Variants in FHIP1A observed in about 807,000 individuals in gnomAD.
FHIP1A encodes FHF complex subunit HOOK-interacting protein 1A.
FHIP1A carries 61 observed loss-of-function variants against 88.6 expected under a neutral mutation model. The observed-to-expected ratio is 0.69, with a 90% CI of 0.56 to 0.85. The LOEUF (loss-of-function observed/expected upper bound fraction) is 0.85. FHIP1A is among the 40% of genes least tolerant of loss of function. FHIP1A has a pLI of 0.00. For missense variants in FHIP1A, 1,154 were observed against 1,273.5 expected, an observed-to-expected ratio of 0.91 and a Z score of 1.43; for synonymous variants, 478 against 496.0, an observed-to-expected ratio of 0.96 and a Z score of 0.48.
intron 10 of FHIP1A, 115 bp downstream of exon 10, chr4:151,646,863 T>G: frequency 1.5e-6 from 1 of 676,732 alleles, no homozygotes; most frequent in Middle Eastern, 3.6e-4. Flanking sequence ...ATTTCTCTTA[T>G]GAATGACTAG....
intron 9 of FHIP1A, among the ~76,000 whole-genome samples, chr4:151,640,635 C>T (rs2082425820): frequency 6.6e-6 from 1 of 152,172 alleles, no homozygotes; most frequent in South Asian, 2.1e-4. Context: ...ATGTTAAATT[C>T]TTAAATACTG....
chr4:151,496,162 T>G (rs1292495963), intron 3 of FHIP1A, among the ~76,000 whole-genome samples: 3 of 151,620 alleles, frequency 2.0e-5, no homozygotes, highest in African/African-American at 7.3e-5. Flanking sequence ...TGTTTAGAGA[T>G]ATTTCCTCCT....
chr4:151,568,347 T>C (rs1226652047), intron 4 of FHIP1A, among the ~76,000 whole-genome samples: 1 of 152,234 alleles, frequency 6.6e-6, no homozygotes, highest in African/African-American at 2.4e-5. Context: ...GAGACACTCA[T>C]GGTCTTACTG....
intron 9 of FHIP1A, among the ~76,000 whole-genome samples, chr4:151,644,714 A>G (rs1313427134): frequency 6.6e-6 from 1 of 152,148 alleles, no homozygotes. Context: ...CCACAGCAGC[A>G]TCAGCCATGG....
intron 5 of FHIP1A, among the ~76,000 whole-genome samples, chr4:151,585,594 C>T (rs1734181012): frequency 6.6e-6 from 1 of 152,178 alleles, no homozygotes; most frequent in Non-Finnish European, 1.5e-5. Flanking sequence ...GCTGGGAGGC[C>T]TCCAGTACTA....
rs531534104 is a variant in FHIP1A, at chr4:151,553,254, A to T, written c.-122-12884A>T. ...ATAATATCACATGGTTTTATATTTC[A>T]TAAACAATTACAAGAAAAGTACATA... On this transcript the variant is annotated intron_variant, in intron 3 of 13. Transcript: ENST00000435205. Among the ~76,000 whole-genome samples the T allele has an allele frequency of 5.3e-5, 8 of 152,352 alleles. No individual in the cohort carries two copies. The East Asian group carries it at 5.8e-4, about 11-fold the overall frequency.
chr4:151,540,570 TC>T (rs1732246672), intron 3 of FHIP1A, among the ~76,000 whole-genome samples: 1 of 152,170 alleles, frequency 6.6e-6, no homozygotes, highest in South Asian at 2.1e-4. Context: ...ATTTTTAAGC[TC>T]AAAGGTGTTC....
intron 1 of FHIP1A, among the ~76,000 whole-genome samples, chr4:151,453,314 C>A (rs1013931121): frequency 6.6e-6 from 1 of 152,116 alleles, no homozygotes; most frequent in African/African-American, 2.4e-5. Flanking sequence ...CTGCACCTGG[C>A]CCATAGTTTT....
At chr4:151,553,858 G>A (rs1411957025) in intron 3 of FHIP1A, among the ~76,000 whole-genome samples, 3 of 152,130 alleles carry the variant, frequency 2.0e-5, no homozygotes, top group African/African-American at 7.2e-5. Flanking sequence ...CAAATGTAGA[G>A]GTTTCATTAG....
chr4:151,629,982 T>C lies in FHIP1A; in HGVS notation c.1146+113T>C, dbSNP rs923733476. ...CTTTTGCTCTCCTTTTTTTTTCTTT[T>C]TCTTTTTTGGTTGTTGTTGTTTTGT... is the stretch of plus-strand genomic sequence containing the variant. On this transcript the variant is annotated intron_variant, in intron 8 of 13. Coordinates refer to ENST00000435205, the MANE Select transcript of FHIP1A (RefSeq NM_001109977.3). The C allele has an allele frequency of 1.7e-5, 16 of 935,848 alleles. No homozygotes were observed. The African/African-American group carries it at 2.5e-4, about 15-fold the overall frequency. 58.0% of individuals were successfully genotyped at this position (935,848 alleles called of 1,614,324 possible).
At chr4:151,529,048 T>A (rs938086457) in intron 3 of FHIP1A, among the ~76,000 whole-genome samples, 1 of 152,172 alleles carries the variant, frequency 6.6e-6, no homozygotes, top group Non-Finnish European at 1.5e-5. Flanking sequence ...ATGTCATTTC[T>A]CCCTCCCGGT....
At position 151,536,090 on chromosome 4, in the gene FHIP1A, C is replaced by A. The variant is rs145532224; in HGVS notation, c.-122-30048C>A. 2.0e-5 allele frequency among the ~76,000 whole-genome samples: 3 copies of A among 152,280 alleles called. No individual in the cohort carries two copies. The East Asian group carries it at 5.8e-4, about 29-fold the overall frequency. On this transcript the variant is annotated intron_variant, in intron 3 of 13. Transcript: ENST00000435205. ...TGAAAGAATGCACTGTCTGAGTTCA[C>A]ACTTGAGAACATGAACTTTTTTTTC...
At chr4:151,603,300 G>A (rs1734943528) in intron 7 of FHIP1A, among the ~76,000 whole-genome samples, 1 of 151,090 alleles carries the variant, frequency 6.6e-6, no homozygotes, top group African/African-American at 2.4e-5. Flanking sequence ...GCAACAGAGC[G>A]AGACTCCGTC....
At chr4:151,589,262 A>G (rs972313895) in intron 7 of FHIP1A, among the ~76,000 whole-genome samples, 4 of 152,220 alleles carry the variant, frequency 2.6e-5, no homozygotes, top group African/African-American at 7.2e-5. Context: ...AGTCTGTCAT[A>G]GAGAATGCAA....
At chr4:151,600,198 G>A (rs1262522518) in intron 7 of FHIP1A, among the ~76,000 whole-genome samples, 1 of 152,330 alleles carries the variant, frequency 6.6e-6, no homozygotes, top group East Asian at 1.9e-4. Flanking sequence ...TGATATCACT[G>A]GTCTCAAGGT....
At chr4:151,615,018 C>G (rs1332930037) in intron 7 of FHIP1A, among the ~76,000 whole-genome samples, 1 of 152,132 alleles carries the variant, frequency 6.6e-6, no homozygotes, top group Non-Finnish European at 1.5e-5. Context: ...CCTGATCTGT[C>G]ACTGGGAACA....
At chr4:151,412,386 G>A (rs547271587) in intron 1 of FHIP1A, among the ~76,000 whole-genome samples, 22 of 152,192 alleles carry the variant, frequency 1.4e-4, no homozygotes, top group Admixed American at 5.9e-4. Context: ...GATTACAGGC[G>A]TGAGCCACTG....
intron 9 of FHIP1A, among the ~76,000 whole-genome samples, chr4:151,644,959 A>G (rs985341987): frequency 2.6e-5 from 4 of 152,038 alleles, no homozygotes; most frequent in African/African-American, 9.7e-5. Flanking sequence ...GAGCATCTCT[A>G]CTCACAGATA....
chr4:151,502,932 A>C (rs1239288005), intron 3 of FHIP1A, among the ~76,000 whole-genome samples: 1 of 152,206 alleles, frequency 6.6e-6, no homozygotes, highest in African/African-American at 2.4e-5. Context: ...CGTTATACTG[A>C]AACATCTGGT....
Sources: gnomAD v4.1 joint callset for allele counts (sites outside exome capture counted in the v4.1 genomes callset) on GRCh38, gnomAD v4.1.1 for gene constraint, MANE v1.5 for transcripts, NCBI Gene and HGNC (gene_info 2026-07-23, HGNC 2026-07-21) for gene names.